Variants in R3HCC1L observed in about 807,000 individuals in gnomAD.
The protein encoded by R3HCC1L is R3H domain and coiled-coil containing 1 like.
In R3HCC1L, 51 loss-of-function variants were observed where a neutral mutation model predicts 59.9. That is an observed-to-expected ratio of 0.85 (90% CI 0.68 to 1.07). R3HCC1L has a LOEUF of 1.07. Ranked by LOEUF, R3HCC1L falls within the 50% of genes least tolerant of loss-of-function variation. The pLI is 0.00. For missense variants in R3HCC1L, 965 were observed against 933.0 expected (o/e 1.03, Z -0.45); for synonymous variants, 322 against 315.2 (o/e 1.02, Z -0.23).
chr10:98,199,053 T>C (rs1851758929), intron 4 of R3HCC1L, among the ~76,000 whole-genome samples: 1 of 152,038 alleles, frequency 6.6e-6, no homozygotes, highest in African/African-American at 2.4e-5. Flanking sequence ...ATTTTGCATT[T>C]TTTTGTATGA....
At chr10:98,237,558 C>T (rs1857094117) in intron 9 of R3HCC1L, among the ~76,000 whole-genome samples, 1 of 152,122 alleles carries the variant, frequency 6.6e-6, no homozygotes, top group Non-Finnish European at 1.5e-5. Flanking sequence ...AAATGTCTGG[C>T]TATGCAAAGG....
At chr10:98,194,772 A>G (rs1851239610) in intron 4 of R3HCC1L, among the ~76,000 whole-genome samples, 1 of 146,028 alleles carries the variant, frequency 6.8e-6, no homozygotes, top group African/African-American at 2.5e-5. Context: ...GTAAGATATT[A>G]TCTCACACCT....
chr10:98,207,229 T>C lies in R3HCC1L; in HGVS notation c.-14-872T>C, dbSNP rs369482391. 3.9e-5 allele frequency among the ~76,000 whole-genome samples: 6 copies of C among 152,378 alleles called. No homozygotes were observed. The South Asian group carries it at 1.0e-3, about 26-fold the overall frequency. On this transcript the variant is annotated intron_variant, in intron 4 of 9. Transcript: ENST00000298999. ...ATTCTCTTTGTCCTGGACAAACTTA[T>C]CCCTACTTCATAGCATTATTTTGAA...
chr10:98,163,941 T>A (rs879552782), intron 4 of R3HCC1L, among the ~76,000 whole-genome samples: 45 of 152,048 alleles, frequency 3.0e-4, no homozygotes, highest in Non-Finnish European at 6.0e-4. Flanking sequence ...GTTAAAAAAA[T>A]TTTTTTTTCA....
At chr10:98,140,790 A>G (rs1211901424) in intron 1 of R3HCC1L, among the ~76,000 whole-genome samples, 1 of 152,220 alleles carries the variant, frequency 6.6e-6, no homozygotes, top group Non-Finnish European at 1.5e-5. Context: ...TCAGCATGCA[A>G]ATATCAAGTC....
At chr10:98,235,652 GAA>G (rs1165477023) in intron 8 of R3HCC1L, 132 bp downstream of exon 8, 4 of 771,872 alleles carry the variant, frequency 5.2e-6, no homozygotes, top group Admixed American at 6.9e-5. Flanking sequence ...ATGTTTTTAA[GAA>G]AAAATAAATA....
At chr10:98,211,640 G>A (rs569587800) in intron 5 of R3HCC1L, among the ~76,000 whole-genome samples, 1 of 152,154 alleles carries the variant, frequency 6.6e-6, no homozygotes, top group East Asian at 1.9e-4. Flanking sequence ...TCCAAAAGAA[G>A]AGCGTGGCTC....
At position 98,230,367 on chromosome 10, in the gene R3HCC1L, G is replaced by A. The variant is rs180899119; in HGVS notation, c.1786-1145G>A. Among the ~76,000 whole-genome samples the A allele has an allele frequency of 2.3e-3, 356 of 152,208 alleles. 2 individuals are homozygous for A. Among genetic ancestry groups the A allele is most frequent in the African/African-American group, 8.0e-3 (332 of 41,514 alleles). On this transcript the variant is annotated intron_variant, in intron 5 of 9. Transcript: ENST00000298999. ...CTTCTAGATTTTCCAGTTTATTTGCGTAGAGGTGTTTATAGTATTCTCTGA... is the reference window on the plus strand; with the variant it reads ...CTTCTAGATTTTCCAGTTTATTTGCATAGAGGTGTTTATAGTATTCTCTGA...
Position 98,244,114 on chromosome 10 carries a change from C to T in R3HCC1L, c.2293C>T (p.Gln765Ter). 6.2e-7 allele frequency: 1 copy of T among 1,613,986 alleles called. No individual in the cohort carries two copies. Among genetic ancestry groups the T allele is most frequent in the Non-Finnish European group, 8.5e-7 (1 of 1,179,894 alleles). ...ARERKRLEAK[Q>*]REDIWEGRDQ... is the part of the protein sequence containing the mutation. ...AGAGAGAAAGCGGTTGGAAGCCAAGCAACGGGAAGACATCTGGGAAGGCAG... is the reference window on the plus strand; with the variant it reads ...AGAGAGAAAGCGGTTGGAAGCCAAGTAACGGGAAGACATCTGGGAAGGCAG... Residue 765 changes from glutamine to a stop codon, truncating the protein, a stop_gained, in exon 10 of 10, where the codon CAA becomes TAA. Transcript: ENST00000298999. LOFTEE classifies it high-confidence loss of function.
chr10:98,243,974 G>T, intron 9 of R3HCC1L, 117 bp from the exon 10 acceptor site: 1 of 796,502 alleles, frequency 1.3e-6, no homozygotes, highest in African/African-American at 1.7e-5. Flanking sequence ...TATCAGGTAA[G>T]AGAGACCAGG....
chr10:98,176,660 ATTAC>A (rs1329037620), intron 4 of R3HCC1L, among the ~76,000 whole-genome samples: 2 of 152,156 alleles, frequency 1.3e-5, no homozygotes, highest in African/African-American at 4.8e-5. Context: ...TAAAGACAGT[ATTAC>A]TTCTTTCTTC....
chr10:98,195,246 T>TA (rs975760234), intron 4 of R3HCC1L, among the ~76,000 whole-genome samples: 73 of 152,330 alleles, frequency 4.8e-4, no homozygotes, highest in African/African-American at 1.7e-3. Context: ...ATTTCACTAA[T>TA]ATGAGGTATC....
intron 4 of R3HCC1L, chr10:98,174,573 A>G: frequency 2.7e-5 from 26 of 971,758 alleles, no homozygotes; most frequent in Non-Finnish European, 3.2e-5. Flanking sequence ...TGATATAACA[A>G]CAATGAGATG....
intron 4 of R3HCC1L, among the ~76,000 whole-genome samples, chr10:98,171,293 C>G (rs1228857343): frequency 2.0e-5 from 3 of 152,094 alleles, no homozygotes; most frequent in Non-Finnish European, 4.4e-5. Flanking sequence ...CTATACAATC[C>G]CTTTCGGTAA....
intron 4 of R3HCC1L, among the ~76,000 whole-genome samples, chr10:98,193,767 A>C (rs182960257): frequency 9.9e-5 from 15 of 152,204 alleles, no homozygotes; most frequent in African/African-American, 3.6e-4. Flanking sequence ...AGCACACAAA[A>C]AGTTTTGGAT....
chr10:98,176,870 T>C (rs183299803), intron 4 of R3HCC1L, among the ~76,000 whole-genome samples: 1 of 152,088 alleles, frequency 6.6e-6, no homozygotes, highest in Non-Finnish European at 1.5e-5. Context: ...TAGATAACAT[T>C]TATCAGGATG....
chr10:98,153,500 AG>A (rs1449981601), intron 1 of R3HCC1L, among the ~76,000 whole-genome samples: 13 of 152,218 alleles, frequency 8.5e-5, no homozygotes, highest in African/African-American at 3.1e-4. Flanking sequence ...CCTCTGCCTA[AG>A]AAAACCAGAG....
chr10:98,150,893 A>C (rs999552513), intron 1 of R3HCC1L, among the ~76,000 whole-genome samples: 3 of 152,158 alleles, frequency 2.0e-5, no homozygotes, highest in African/African-American at 7.2e-5. Context: ...AGGCAGAGAC[A>C]GGTCTCCTGC....
chr10:98,154,305 C>T (rs2134071303), intron 1 of R3HCC1L, among the ~76,000 whole-genome samples: 1 of 151,612 alleles, frequency 6.6e-6, no homozygotes, highest in Non-Finnish European at 1.5e-5. Flanking sequence ...GTACACGTGT[C>T]ATTTTATTAC....
Sources: allele counts gnomAD v4.1 joint callset (sites outside exome capture counted in the v4.1 genomes callset), GRCh38; gene constraint gnomAD v4.1.1; transcripts MANE v1.5; gene names NCBI Gene and HGNC (gene_info 2026-07-23, HGNC 2026-07-21).